ATP8A2: variants seen among roughly 807,000 people sequenced by gnomAD.
ATP8A2 encodes ATPase phospholipid transporting 8A2, also known as phospholipid-transporting ATPase IB.
ATP8A2 carries 100 observed loss-of-function variants against 165.6 expected under a neutral mutation model. That is an observed-to-expected ratio of 0.60 (90% CI 0.51 to 0.71). ATP8A2 has a LOEUF of 0.71. Among genes scored for constraint, ATP8A2 ranks in the 30% least tolerant of loss-of-function variants. ATP8A2 has a pLI of 0.00. For missense variants in ATP8A2, 1,227 were observed against 1,479.5 expected (o/e 0.83, Z 2.80); for synonymous variants, 543 against 548.8 (o/e 0.99, Z 0.15).
intron 33 of ATP8A2, among the ~76,000 whole-genome samples, chr13:25,878,848 G>A (rs1179655900): frequency 2.6e-5 from 4 of 152,072 alleles, no homozygotes; most frequent in Non-Finnish European, 5.9e-5. Context: ...CACTTCCCCA[G>A]GCACAGGAGC....
chr13:25,730,445 G>T (rs994587904), intron 25 of ATP8A2, among the ~76,000 whole-genome samples: 2 of 152,154 alleles, frequency 1.3e-5, no homozygotes, highest in Admixed American at 1.3e-4. Flanking sequence ...TATTACACTG[G>T]TCCTGCTTTT....
chr13:25,774,329 T>C (rs2044692206), intron 26 of ATP8A2, among the ~76,000 whole-genome samples: 1 of 152,050 alleles, frequency 6.6e-6, no homozygotes, highest in Non-Finnish European at 1.5e-5. Flanking sequence ...AAACACCACA[T>C]GTCCTCACTT....
rs1400827850 is a variant in ATP8A2, at chr13:25,570,872, G to T, written c.1579G>T (p.Asp527Tyr). 1.2e-6 allele frequency: 2 copies of T among 1,611,098 alleles called. No individual in the cohort carries two copies. Among genetic ancestry groups the T allele is most frequent in the Admixed American group, 1.7e-5 (1 of 59,918 alleles). The change falls in exon 17 of 37, where the codon GAT becomes TAT. Residue 527 changes from aspartate to tyrosine, a missense_variant and splice_region_variant. Physicochemically the swap from Asp to Tyr is radical, Grantham distance 160 (BLOSUM62 -3). Coordinates refer to ENST00000381655, the MANE Select transcript of ATP8A2 (RefSeq NM_016529.6). The stretch of plus-strand genomic sequence containing the variant: ...CATCATCTACCAGGCCTCTTCCCCA[G>T]GTGAGGGCTCTGGCCGGATGCGCCC... Reference protein sequence around the residue: ...DNIIYQASSPDEAALVKGAKK... With the variant: ...DNIIYQASSPYEAALVKGAKK...
At chr13:25,730,939 C>T (rs543557518) in intron 25 of ATP8A2, among the ~76,000 whole-genome samples, 9 of 151,714 alleles carry the variant, frequency 5.9e-5, no homozygotes, top group South Asian at 4.2e-4. Context: ...GCCAGGTTGG[C>T]GGCACATACC....
At chr13:25,902,851 TACG>T (rs918983488) in intron 33 of ATP8A2, among the ~76,000 whole-genome samples, 19 of 152,076 alleles carry the variant, frequency 1.2e-4, no homozygotes, top group African/African-American at 3.4e-4. Flanking sequence ...CAGTTTTCAG[TACG>T]ACATTTCCTC....
intron 24 of ATP8A2, among the ~76,000 whole-genome samples, chr13:25,653,654 C>T (rs2041864585): frequency 2.6e-5 from 4 of 152,110 alleles, no homozygotes; most frequent in Admixed American, 1.3e-4. Context: ...GCTGTTGTCT[C>T]CTTAATCAGG....
At chr13:25,581,490 G>C (rs1164708091) in intron 22 of ATP8A2, among the ~76,000 whole-genome samples, 2 of 152,146 alleles carry the variant, frequency 1.3e-5, no homozygotes, top group African/African-American at 4.8e-5. Flanking sequence ...CTACTCATTA[G>C]TGGACTGAGA....
chr13:25,824,970 C>T (rs915673785), intron 27 of ATP8A2, among the ~76,000 whole-genome samples: 5 of 151,738 alleles, frequency 3.3e-5, no homozygotes, highest in South Asian at 2.1e-4. Flanking sequence ...CTATTTCTTG[C>T]GTTGTTTCAC....
At chr13:25,640,954 G>A (rs1247686275) in intron 24 of ATP8A2, among the ~76,000 whole-genome samples, 9 of 152,074 alleles carry the variant, frequency 5.9e-5, no homozygotes, top group African/African-American at 1.4e-4. Context: ...TTCAACATAC[G>A]CAAATCAATA....
intron 35 of ATP8A2, among the ~76,000 whole-genome samples, chr13:26,004,638 A>C (rs981583158): frequency 6.6e-6 from 1 of 152,014 alleles, no homozygotes; most frequent in Non-Finnish European, 1.5e-5. Flanking sequence ...GATGTTAGCT[A>C]TGGGTTTGTC....
rs927191045 is a variant in ATP8A2 at position 26,021,418 on chromosome 13, G to C, written c.*1433G>C. 1.3e-5 allele frequency: 2 copies of C among 152,150 alleles called. No homozygotes were observed. The highest frequency in any genetic ancestry group is 1.5e-5 in the Non-Finnish European group (1 of 68,050). 9.4% of individuals were successfully genotyped at this position (152,150 alleles called of 1,614,324 possible). On this transcript the variant is annotated 3_prime_UTR_variant, in exon 37 of 37. Coordinates refer to ENST00000381655, the MANE Select transcript of ATP8A2 (RefSeq NM_016529.6). ...ACCTTTTTAAAAAATATACTGACAT[G>C]GTTTCCTTTCTGTATCCCATCAGTG...
intron 10 of ATP8A2, among the ~76,000 whole-genome samples, chr13:25,544,202 G>T (rs1183004479): frequency 1.3e-5 from 2 of 152,236 alleles, no homozygotes; most frequent in African/African-American, 4.8e-5. Flanking sequence ...AGCCAGTTGG[G>T]CTAAGGAGTA....
chr13:25,537,975 C>G lies in ATP8A2; in HGVS notation c.508-13C>G, dbSNP rs763738790. On this transcript the variant is annotated splice_polypyrimidine_tract_variant and intron_variant, in intron 6 of 36. Coordinates refer to ENST00000381655, the MANE Select transcript of ATP8A2 (RefSeq NM_016529.6). ...TCTTTCGTGCCCCTCTGTCCTCATC[C>G]CTGTCTCTCTAGGTGGCAGTGGGAG... is the stretch of plus-strand genomic sequence containing the variant. The G allele has an allele frequency of 1.9e-5, 31 of 1,603,178 alleles. No individual in the cohort carries two copies. The highest frequency in any genetic ancestry group is 2.4e-5 in the Non-Finnish European group (28 of 1,170,386).
At chr13:25,412,674 A>G (rs9511788) in intron 1 of ATP8A2, among the ~76,000 whole-genome samples, 97,142 of 152,084 alleles carry the variant, frequency 0.64, 31,433 homozygotes, top group African/African-American at 0.74. Context: ...ATAATGGTAA[A>G]AAGGAGGTAG....
intron 27 of ATP8A2, among the ~76,000 whole-genome samples, chr13:25,812,579 A>G (rs1365653458): frequency 5.8e-5 from 1 of 17,172 alleles, no homozygotes; most frequent in Non-Finnish European, 1.4e-4. Context: ...TAGATTTCTC[A>G]GGACTGAGAT....
intron 33 of ATP8A2, among the ~76,000 whole-genome samples, chr13:25,935,573 A>C (rs915069005): frequency 2.0e-5 from 3 of 152,232 alleles, no homozygotes; most frequent in Non-Finnish European, 4.4e-5. Flanking sequence ...TGAGGGCCTC[A>C]GAAAGCTTCC....
intron 24 of ATP8A2, among the ~76,000 whole-genome samples, chr13:25,625,918 A>G (rs75277924): frequency 0.014 from 2,176 of 152,240 alleles, 45 homozygotes; most frequent in African/African-American, 0.05. Context: ...ACTAAGTAGA[A>G]TTGCTGAGAC....
chr13:25,892,034 T>A (rs1953380029), intron 33 of ATP8A2, among the ~76,000 whole-genome samples: 1 of 151,680 alleles, frequency 6.6e-6, no homozygotes, highest in Non-Finnish European at 1.5e-5. Context: ...TTGCCCAGGC[T>A]GGAGTGCAGG....
intron 24 of ATP8A2, among the ~76,000 whole-genome samples, chr13:25,679,786 A>G (rs2042445629): frequency 6.6e-6 from 1 of 152,202 alleles, no homozygotes. Context: ...GGTTAGTGAC[A>G]TGAAGAGACC....
Sources: allele counts gnomAD v4.1 joint callset (sites outside exome capture counted in the v4.1 genomes callset), GRCh38; gene constraint gnomAD v4.1.1; transcripts MANE v1.5; gene names NCBI Gene and HGNC (gene_info 2026-07-23, HGNC 2026-07-21).